CADM2: variants seen among roughly 807,000 people sequenced by gnomAD.
The protein encoded by CADM2 is cell adhesion molecule 2, also known as immunoglobulin superfamily member 4D.
A neutral mutation model predicts 49.8 loss-of-function variants in CADM2; 12 were observed. The observed-to-expected ratio is 0.24, with a 90% confidence interval of 0.15 to 0.39. The LOEUF (loss-of-function observed/expected upper bound fraction) is 0.39. Ranked by LOEUF, CADM2 falls within the 10% of genes least tolerant of loss-of-function variation. The probability of loss-of-function intolerance (pLI) is 1.00; values close to 1 mark genes in which losing one functional copy is unlikely to be tolerated. For missense variants in CADM2, 378 were observed against 492.3 expected (o/e 0.77, Z 2.20); for synonymous variants, 214 against 175.4 (o/e 1.22, Z -1.74).
chr3:85,422,444 A>G (rs987370926), intron 1 of CADM2, among the ~76,000 whole-genome samples: 6 of 151,770 alleles, frequency 4.0e-5, no homozygotes, highest in Admixed American at 1.3e-4. Flanking sequence ...CGCCCGGCTA[A>G]TTTTTTGTAT....
At chr3:85,703,400 T>C (rs2066844221) in intron 1 of CADM2, among the ~76,000 whole-genome samples, 1 of 152,136 alleles carries the variant, frequency 6.6e-6, no homozygotes. Context: ...GTCTTATATG[T>C]ACACAGCTGG....
chr3:85,881,825 G>C (rs1712825155), intron 3 of CADM2, among the ~76,000 whole-genome samples: 1 of 152,108 alleles, frequency 6.6e-6, no homozygotes, highest in Non-Finnish European at 1.5e-5. Flanking sequence ...CGGTATGTGT[G>C]GGGGATGGTT....
At chr3:85,116,358 A>G (rs1172248443) in intron 1 of CADM2, among the ~76,000 whole-genome samples, 1 of 152,070 alleles carries the variant, frequency 6.6e-6, no homozygotes, top group Non-Finnish European at 1.5e-5. Context: ...CCAAAAACAA[A>G]CAAAAGCACA....
At chr3:84,995,671 CT>C (rs1236589784) in intron 1 of CADM2, among the ~76,000 whole-genome samples, 1 of 152,156 alleles carries the variant, frequency 6.6e-6, no homozygotes, top group African/African-American at 2.4e-5. Flanking sequence ...TTACTAAGTA[CT>C]TGCCTACAAA....
At chr3:85,735,017 A>G (rs1229833097) in intron 2 of CADM2, among the ~76,000 whole-genome samples, 1 of 149,538 alleles carries the variant, frequency 6.7e-6, no homozygotes, top group African/African-American at 2.5e-5. Flanking sequence ...TGTGTTGTGA[A>G]TATGTTCTTT....
intron 3 of CADM2, among the ~76,000 whole-genome samples, chr3:85,853,437 T>C (rs142787657): frequency 2.0e-3 from 302 of 152,172 alleles, no homozygotes; most frequent in African/African-American, 7.0e-3. Context: ...TATAGGCGAT[T>C]AAGCAAAGAT....
chr3:85,885,967 G>T (rs1713594417), intron 4 of CADM2, among the ~76,000 whole-genome samples: 1 of 151,258 alleles, frequency 6.6e-6, no homozygotes, highest in African/African-American at 2.4e-5. Context: ...ATATATATGT[G>T]TATGGATGTG....
At chr3:85,986,195 T>C (rs1728089603) in intron 8 of CADM2, among the ~76,000 whole-genome samples, 1 of 152,070 alleles carries the variant, frequency 6.6e-6, no homozygotes, top group Non-Finnish European at 1.5e-5. Flanking sequence ...ACTGTGTCTC[T>C]CTTTTCCTTC....
At chr3:85,365,725 A>C (rs1167416464) in intron 1 of CADM2, among the ~76,000 whole-genome samples, 1 of 152,228 alleles carries the variant, frequency 6.6e-6, no homozygotes, top group African/African-American at 2.4e-5. Context: ...ACTCTATTTC[A>C]AGCACACATG....
intron 1 of CADM2, among the ~76,000 whole-genome samples, chr3:85,449,052 A>AAATAATAATAATAAT (rs55971962): frequency 0.079 from 8,527 of 107,334 alleles, 330 homozygotes; most frequent in South Asian, 0.11. Flanking sequence ...TCCAACTCAA[A>AAATAATAATAATAAT]AATAATAATA....
chr3:85,724,415 A>G (rs2067614174), intron 1 of CADM2, among the ~76,000 whole-genome samples: 1 of 151,952 alleles, frequency 6.6e-6, no homozygotes, highest in Non-Finnish European at 1.5e-5. Context: ...ATAAAGCACT[A>G]CAACAGTGCC....
intron 3 of CADM2, among the ~76,000 whole-genome samples, chr3:85,842,475 A>T (rs1407109138): frequency 6.6e-6 from 1 of 152,166 alleles, no homozygotes; most frequent in African/African-American, 2.4e-5. Context: ...CTTCATGGAA[A>T]AACTAGACTT....
intron 1 of CADM2, among the ~76,000 whole-genome samples, chr3:84,990,622 AC>A (rs2082222387): frequency 6.6e-6 from 1 of 152,070 alleles, no homozygotes; most frequent in Non-Finnish European, 1.5e-5. Context: ...AAATTAAAAT[AC>A]ATTTTTATAA....
chr3:86,013,494 C>A (rs1039574100), intron 8 of CADM2: 21 of 1,603,278 alleles, frequency 1.3e-5, no homozygotes, highest in Admixed American at 3.3e-5. Context: ...TCTGAGAAAG[C>A]GCTTTGAGAC....
In CADM2 at chr3:85,980,447, C is replaced by G. The variant is rs549914038; in HGVS notation, c.970+18800C>G. 9.9e-5 allele frequency among the ~76,000 whole-genome samples: 15 copies of G among 151,526 alleles called. No individual in the cohort carries two copies. In the East Asian group the frequency reaches 2.9e-3, roughly 30 times the overall value. On this transcript the variant is annotated intron_variant, in intron 8 of 9. Transcript: ENST00000383699. ...TTCCATTTTTTAATAATGACATCAA[C>G]TATATTATACAATGTACAAGATTGA...
chr3:85,825,105 T>C (rs1465112628), intron 3 of CADM2, among the ~76,000 whole-genome samples: 3 of 152,012 alleles, frequency 2.0e-5, no homozygotes, highest in Admixed American at 6.6e-5. Flanking sequence ...CATACACAAA[T>C]GCATGTATTA....
intron 1 of CADM2, among the ~76,000 whole-genome samples, chr3:85,213,092 A>G (rs58396289): frequency 0.066 from 9,974 of 151,938 alleles, 1,080 homozygotes; most frequent in African/African-American, 0.23. Flanking sequence ...CATGTTGGCC[A>G]GGCTAGTCTC....
At chr3:85,859,148 C>A (rs991731850) in intron 3 of CADM2, among the ~76,000 whole-genome samples, 1 of 150,462 alleles carries the variant, frequency 6.6e-6, no homozygotes, top group Non-Finnish European at 1.5e-5. Context: ...ACCCTATTGT[C>A]ATTTTAGTAT....
rs369346742 is a variant in CADM2 at position 85,291,479 on chromosome 3, A to G, written c.61+331811A>G. On this transcript the variant is annotated intron_variant, in intron 1 of 9. Coordinates refer to ENST00000383699, the MANE Select transcript of CADM2 (RefSeq NM_001167675.2). The stretch of plus-strand genomic sequence containing the variant: ...CTCGAGAAGAGCAACTCCAAGACAC[A>G]TAATTGTCAGATTCACCGAAGTTGA... Among the ~76,000 whole-genome samples, 10 of 148,608 alleles carry G rather than the reference A, an allele frequency of 6.7e-5. No individual in the cohort carries two copies. The East Asian group carries it at 1.7e-3, about 26-fold the overall frequency.
Sources: allele counts gnomAD v4.1 joint callset (sites outside exome capture counted in the v4.1 genomes callset), GRCh38; gene constraint gnomAD v4.1.1; transcripts MANE v1.5; gene names NCBI Gene and HGNC (gene_info 2026-07-23, HGNC 2026-07-21).